The following EPHA5 variants were observed in gnomAD, a reference collection of about 807,000 sequenced individuals.
The protein encoded by EPHA5 is ephrin type-A receptor 5.
In EPHA5, 60 loss-of-function variants were observed where a neutral mutation model predicts 105.0. The ratio of observed to expected loss-of-function variants is 0.57; its 90% CI spans 0.46 to 0.71. The LOEUF is 0.71. Ranked by LOEUF, EPHA5 falls within the 30% of genes least tolerant of loss-of-function variation. The probability of loss-of-function intolerance (pLI) is 0.00; values close to 1 mark genes in which losing one functional copy is unlikely to be tolerated. For synonymous variants in EPHA5, 513 were observed against 449.1 expected (o/e 1.14, Z -1.80); for missense variants, 1,218 against 1,274.7 (o/e 0.96, Z 0.68).
At chr4:65,458,505 T>C (rs1727826845) in intron 5 of EPHA5, among the ~76,000 whole-genome samples, 1 of 152,160 alleles carries the variant, frequency 6.6e-6, no homozygotes, top group South Asian at 2.1e-4. Flanking sequence ...TATTCAACTG[T>C]CTCCTTAATG....
intron 2 of EPHA5, among the ~76,000 whole-genome samples, chr4:65,634,901 G>A (rs1235778901): frequency 6.6e-6 from 1 of 151,746 alleles, no homozygotes; most frequent in Non-Finnish European, 1.5e-5. Flanking sequence ...AACAAAATAC[G>A]AGATCAGCAG....
chr4:65,576,854 C>G (rs1360567572), intron 3 of EPHA5, among the ~76,000 whole-genome samples: 1 of 152,156 alleles, frequency 6.6e-6, no homozygotes, highest in Non-Finnish European at 1.5e-5. Context: ...TTTGAAGTAG[C>G]ACTACTGGGA....
At chr4:65,475,929 T>TATC (rs1253402286) in intron 5 of EPHA5, among the ~76,000 whole-genome samples, 1 of 152,120 alleles carries the variant, frequency 6.6e-6, no homozygotes, top group African/African-American at 2.4e-5. Flanking sequence ...AAAAATAGAC[T>TATC]ATCAGCAGGT....
chr4:65,320,348 A>C lies in EPHA5; in HGVS notation c.*3766T>G. 1 of 230,328 alleles carries C rather than the reference A, an allele frequency of 4.3e-6. No individual in the cohort carries two copies. Among genetic ancestry groups the C allele is most frequent in the Admixed American group, 5.7e-5 (1 of 17,614 alleles). The allele number at this position is 230,328 out of a possible 1,614,324, so 14.3% of individuals were successfully genotyped here. A position where few individuals can be genotyped will look rare whatever the true frequency, so the allele number is the denominator to read the frequency against. ...CTTCATCATCATCATCATCATCATC[A>C]TCAGGATCATCATCATATTGTACCT... On this transcript the variant is annotated 3_prime_UTR_variant, in exon 17 of 17. Transcript: ENST00000613740.
intron 8 of EPHA5, among the ~76,000 whole-genome samples, chr4:65,402,215 C>T (rs1721914311): frequency 1.3e-5 from 2 of 152,044 alleles, no homozygotes; most frequent in South Asian, 4.1e-4. Context: ...TTTCCTGAGA[C>T]CACCCCCTCC....
intron 6 of EPHA5, 131 bp from the exon 7 acceptor site, chr4:65,414,574 G>T: frequency 1.0e-6 from 1 of 1,002,804 alleles, no homozygotes; most frequent in Non-Finnish European, 1.4e-6. Context: ...TAACATTTTA[G>T]AAAAAAATCC....
intron 7 of EPHA5, among the ~76,000 whole-genome samples, chr4:65,413,925 G>C (rs943826820): frequency 2.6e-5 from 4 of 152,070 alleles, no homozygotes; most frequent in Non-Finnish European, 5.9e-5. Flanking sequence ...AATTTTCAAA[G>C]AAAGACTAAA....
chr4:65,423,950 C>A (rs62298036), intron 5 of EPHA5, among the ~76,000 whole-genome samples: 15,117 of 151,930 alleles, frequency 0.099, 977 homozygotes, highest in Middle Eastern at 0.23. Flanking sequence ...TACATAACTA[C>A]CTATATCTAT....
intron 3 of EPHA5, among the ~76,000 whole-genome samples, chr4:65,532,828 T>G (rs143910544): frequency 2.9e-3 from 444 of 152,264 alleles, no homozygotes; most frequent in African/African-American, 0.01. Flanking sequence ...AGGCATAGTT[T>G]TTTAATGGTC....
chr4:65,407,663 T>C (rs1722491536), intron 7 of EPHA5, among the ~76,000 whole-genome samples: 2 of 151,112 alleles, frequency 1.3e-5, no homozygotes, highest in Non-Finnish European at 3.0e-5. Flanking sequence ...AAAGAATATA[T>C]TTTTGTTTAT....
chr4:65,449,389 C>T (rs1429713149), intron 5 of EPHA5, among the ~76,000 whole-genome samples: 4 of 152,124 alleles, frequency 2.6e-5, no homozygotes, highest in Admixed American at 6.6e-5. Flanking sequence ...CACATTTGTA[C>T]ACTTTGGTGG....
At chr4:65,533,499 T>C (rs1473125241) in intron 3 of EPHA5, among the ~76,000 whole-genome samples, 1 of 152,212 alleles carries the variant, frequency 6.6e-6, no homozygotes, top group Non-Finnish European at 1.5e-5. Flanking sequence ...TGTTTTGTTG[T>C]CTGATAAGAA....
intron 3 of EPHA5, among the ~76,000 whole-genome samples, chr4:65,584,184 C>G (rs950511138): frequency 2.6e-5 from 4 of 151,318 alleles, no homozygotes; most frequent in African/African-American, 9.7e-5. Flanking sequence ...TAAACAAAAC[C>G]TGTAATGAAA....
intron 1 of EPHA5, among the ~76,000 whole-genome samples, chr4:65,660,739 C>T (rs373742046): frequency 1.2e-4 from 19 of 152,056 alleles, no homozygotes; most frequent in African/African-American, 2.2e-4. Context: ...TTCTGAGCTA[C>T]CCCACAGCAG....
chr4:65,550,730 A>G (rs1032911912), intron 3 of EPHA5, among the ~76,000 whole-genome samples: 1 of 151,854 alleles, frequency 6.6e-6, no homozygotes, highest in African/African-American at 2.4e-5. Context: ...CAGCTAATCG[A>G]GGGGCTGAGG....
Position 65,348,815 on chromosome 4 carries a change from A to ATATTT in EPHA5, c.2446-613_2446-612insAAATA, listed in dbSNP as rs71657404. ...TGTGTATATATATATATATATATAT[A>ATATTT]TTTTTTTTTTTTTTTTTTGAGACAG... On this transcript the variant is annotated intron_variant, in intron 13 of 16. Transcript: ENST00000613740. Among the ~76,000 whole-genome samples the ATATTT allele has an allele frequency of 3.7e-3, 235 of 64,108 alleles. 19 individuals carry two copies. Among genetic ancestry groups the ATATTT allele is most frequent in the South Asian group, 7.3e-3 (12 of 1,636 alleles). The allele number at this position is 64,108 out of a possible 152,430, so 42.1% of individuals were successfully genotyped here.
chr4:65,473,869 C>G (rs1729527951), intron 5 of EPHA5, among the ~76,000 whole-genome samples: 1 of 120,540 alleles, frequency 8.3e-6, no homozygotes, highest in African/African-American at 3.1e-5. Context: ...ATTACTCTTT[C>G]AATGTTTTGT....
At chr4:65,465,343 T>G (rs1284308225) in intron 5 of EPHA5, among the ~76,000 whole-genome samples, 3 of 151,518 alleles carry the variant, frequency 2.0e-5, no homozygotes, top group African/African-American at 4.9e-5. Context: ...GGAGAATCGC[T>G]TGAACCCAGG....
chr4:65,612,861 G>T (rs1023124834), intron 2 of EPHA5, among the ~76,000 whole-genome samples: 1 of 152,008 alleles, frequency 6.6e-6, no homozygotes, highest in East Asian at 1.9e-4. Context: ...TTATTTTGCT[G>T]TGCTGAAGCT....
Sources: allele counts gnomAD v4.1 joint callset (sites outside exome capture counted in the v4.1 genomes callset), GRCh38; gene constraint gnomAD v4.1.1; transcripts MANE v1.5; gene names NCBI Gene and HGNC (gene_info 2026-07-23, HGNC 2026-07-21).